Variants in RBFOX1 observed in about 807,000 individuals in gnomAD.
The protein encoded by RBFOX1 is RNA binding fox-1 homolog 1, also known as RNA binding protein fox-1 homolog 1.
RBFOX1 carries 8 observed loss-of-function variants against 57.7 expected under a neutral mutation model. The observed-to-expected ratio is 0.14, with a 90% CI of 0.08 to 0.25. The LOEUF (loss-of-function observed/expected upper bound fraction) is 0.25. RBFOX1 is among the 10% of genes least tolerant of loss of function. The probability of loss-of-function intolerance (pLI) is 1.00; values close to 1 mark genes in which losing one functional copy is unlikely to be tolerated. For synonymous variants in RBFOX1, 326 were observed against 222.4 expected (o/e 1.47, Z -4.15); for missense variants, 611 against 548.5 (o/e 1.11, Z -1.14).
intron 2 of RBFOX1, among the ~76,000 whole-genome samples, chr16:6,529,114 C>T (rs905723643): frequency 6.6e-5 from 10 of 152,094 alleles, no homozygotes; most frequent in East Asian, 1.9e-4. Context: ...TGTTATACTC[C>T]GAAATGTGGT....
intron 3 of RBFOX1, among the ~76,000 whole-genome samples, chr16:6,787,242 C>G (rs908833876): frequency 6.6e-6 from 1 of 152,144 alleles, no homozygotes; most frequent in African/African-American, 2.4e-5. Flanking sequence ...ATTCTCTATG[C>G]AGTTCCCTAA....
intron 1 of RBFOX1, among the ~76,000 whole-genome samples, chr16:6,179,650 T>G (rs996034916): frequency 6.6e-6 from 1 of 152,198 alleles, no homozygotes; most frequent in African/African-American, 2.4e-5. Flanking sequence ...CAGCACCTGC[T>G]GCTGCCTCTC....
chr16:5,700,755 T>G (rs1326239903), intron 3 of RBFOX1, among the ~76,000 whole-genome samples: 3 of 152,182 alleles, frequency 2.0e-5, no homozygotes, highest in Non-Finnish European at 4.4e-5. Flanking sequence ...TTACCCTTCT[T>G]TTATTTTTGC....
intron 1 of RBFOX1, among the ~76,000 whole-genome samples, chr16:5,443,920 C>G (rs985272216): frequency 2.0e-5 from 3 of 152,096 alleles, no homozygotes; most frequent in African/African-American, 7.2e-5. Context: ...GATTTTCCAC[C>G]TTGAGGAGCT....
At chr16:7,554,079 A>G (rs2087504267) in intron 5 of RBFOX1, among the ~76,000 whole-genome samples, 1 of 152,158 alleles carries the variant, frequency 6.6e-6, no homozygotes, top group East Asian at 1.9e-4. Context: ...ACTGCACTCC[A>G]GCCTGGGTGA....
chr16:6,476,629 C>T (rs566652618), intron 2 of RBFOX1, among the ~76,000 whole-genome samples: 2 of 152,096 alleles, frequency 1.3e-5, no homozygotes, highest in African/African-American at 4.8e-5. Flanking sequence ...AGGGTCTTGC[C>T]TCGGTGTTGA....
chr16:7,505,225 A>C (rs936676738), intron 4 of RBFOX1, among the ~76,000 whole-genome samples: 4 of 147,450 alleles, frequency 2.7e-5, no homozygotes, highest in Non-Finnish European at 5.9e-5. Flanking sequence ...GAGATGATTG[A>C]GGCAACAGTG....
At chr16:5,996,327 G>C (rs187973274) in intron 4 of RBFOX1, among the ~76,000 whole-genome samples, 13 of 152,290 alleles carry the variant, frequency 8.5e-5, no homozygotes, top group South Asian at 8.3e-4. Context: ...GCATGCCTCT[G>C]ATTTGAAACC....
chr16:7,660,793 T>C (rs1347135953), intron 12 of RBFOX1, among the ~76,000 whole-genome samples: 1 of 152,190 alleles, frequency 6.6e-6, no homozygotes, highest in African/African-American at 2.4e-5. Flanking sequence ...GGCCCAGCCA[T>C]CTGTGTTTCA....
At chr16:7,520,972 C>G (rs1159498885) in intron 5 of RBFOX1, among the ~76,000 whole-genome samples, 1 of 152,184 alleles carries the variant, frequency 6.6e-6, no homozygotes, top group Non-Finnish European at 1.5e-5. Flanking sequence ...ATGATCTTTA[C>G]CTCTTGTAAC....
At chr16:5,977,337 C>A (rs577562541) in intron 4 of RBFOX1, among the ~76,000 whole-genome samples, 1 of 152,222 alleles carries the variant, frequency 6.6e-6, no homozygotes, top group Admixed American at 6.5e-5. Flanking sequence ...CAGGCCAGCC[C>A]GTCATGCAGA....
At chr16:5,914,920 A>G (rs940885557) in intron 4 of RBFOX1, among the ~76,000 whole-genome samples, 2 of 152,046 alleles carry the variant, frequency 1.3e-5, no homozygotes, top group Non-Finnish European at 2.9e-5. Context: ...CAAAAACAAA[A>G]AAAAAGAGAG....
At chr16:6,081,104 C>T (rs2095994352) in intron 1 of RBFOX1, among the ~76,000 whole-genome samples, 1 of 152,060 alleles carries the variant, frequency 6.6e-6, no homozygotes, top group East Asian at 1.9e-4. Context: ...TGTCCCTTTG[C>T]CCTGGGTATT....
At chr16:5,832,138 G>C (rs1184173633) in intron 3 of RBFOX1, among the ~76,000 whole-genome samples, 1 of 152,194 alleles carries the variant, frequency 6.6e-6, no homozygotes, top group African/African-American at 2.4e-5. Flanking sequence ...AAGCAGAACT[G>C]GCTAAGTAGG....
At chr16:7,502,299 G>T (rs914265845) in intron 4 of RBFOX1, among the ~76,000 whole-genome samples, 1 of 152,240 alleles carries the variant, frequency 6.6e-6, no homozygotes, top group African/African-American at 2.4e-5. Context: ...AACCATTAAA[G>T]ATACATGGAC....
At chr16:7,662,574 A>G (rs528675680) in intron 12 of RBFOX1, among the ~76,000 whole-genome samples, 1 of 152,324 alleles carries the variant, frequency 6.6e-6, no homozygotes, top group East Asian at 1.9e-4. Flanking sequence ...ATGTTAGTTA[A>G]GCCACAGGGT....
chr16:5,280,720 A>G (rs956037458), intron 1 of RBFOX1, among the ~76,000 whole-genome samples: 4 of 151,902 alleles, frequency 2.6e-5, no homozygotes, highest in Non-Finnish European at 4.4e-5. Flanking sequence ...TTGTTAGCAT[A>G]TGGTTGTTCA....
intron 14 of RBFOX1, among the ~76,000 whole-genome samples, chr16:7,690,959 C>T (rs373626571): frequency 3.3e-5 from 5 of 152,096 alleles, no homozygotes; most frequent in South Asian, 2.1e-4. Flanking sequence ...CAGACATTTC[C>T]TGTTAATTGC....
At position 6,823,326 on chromosome 16, in the gene RBFOX1, G is replaced by T. The variant is rs577557704; in HGVS notation, c.-16+168676G>T. On this transcript the variant is annotated intron_variant, in intron 3 of 15. Transcript: ENST00000550418. ...GGCTGGAGTGCAATGGCATGATCTT[G>T]ACTCACTGCAACCTCCACCTCTTGG... is the stretch of plus-strand genomic sequence containing the variant. Among the ~76,000 whole-genome samples, 19 of 151,116 alleles carry T rather than the reference G, an allele frequency of 1.3e-4. 1 individual carries two copies. The South Asian group carries it at 4.0e-3, about 32-fold the overall frequency.
Sources: allele counts gnomAD v4.1 joint callset (sites outside exome capture counted in the v4.1 genomes callset), GRCh38; gene constraint gnomAD v4.1.1; transcripts MANE v1.5; gene names NCBI Gene and HGNC (gene_info 2026-07-23, HGNC 2026-07-21).